ALLC: variants seen among roughly 807,000 people sequenced by gnomAD.
ALLC encodes the protein probable inactive allantoicase.
ALLC carries 40 observed loss-of-function variants against 45.0 expected under a neutral mutation model. The observed-to-expected ratio is 0.89, with a 90% CI of 0.69 to 1.16. ALLC has a LOEUF of 1.16. ALLC is among the 50% of genes most tolerant of loss of function. The pLI, the probability that ALLC is intolerant of heterozygous loss-of-function variation, is 0.00. For synonymous variants in ALLC, 176 were observed against 178.1 expected (o/e 0.99, Z 0.09); for missense variants, 488 against 493.1 (o/e 0.99, Z 0.10).
chr2:3,653,714 C>T (rs139631508), upstream of ALLC, among the ~76,000 whole-genome samples: 610 of 152,128 alleles, frequency 4.0e-3, 2 homozygotes, highest in African/African-American at 0.014. The surrounding 1 kb of genome is among the most constrained non-coding windows in gnomAD (Gnocchi z 4.1). Context: ...AAGCTCACCT[C>T]GTTTCCCTCA....
the ALLC span, among the ~76,000 whole-genome samples, chr2:3,651,190 C>T: frequency 1.3e-4 from 20 of 151,920 alleles, 1 homozygote; most frequent in Admixed American, 1.3e-3. Flanking sequence ...TCCATACTGC[C>T]ATCTAGTGGG....
rs151174190 is a variant in ALLC, at chr2:3,685,488, A to G, written c.511+2414A>G. ...CAGAGACAGACAGACAGAGAGAGAC[A>G]GAGAAAGGGGGAAGAGCCACTTTTA... is the stretch of plus-strand genomic sequence containing the variant. On this transcript the variant is annotated intron_variant, in intron 7 of 11. Transcript: ENST00000252505. Among the ~76,000 whole-genome samples, 7 of 150,874 alleles carry G rather than the reference A, an allele frequency of 4.6e-5. 1 individual carries two copies. The highest frequency in any genetic ancestry group is 1.7e-4 in the African/African-American group (7 of 41,438).
intron 7 of ALLC, among the ~76,000 whole-genome samples, chr2:3,686,858 T>C (rs1384960363): frequency 1.3e-5 from 2 of 151,110 alleles, no homozygotes; most frequent in Admixed American, 6.6e-5. Flanking sequence ...TAGGTTTTTC[T>C]AAGTATAAGA....
In ALLC at chr2:3,681,697, T is replaced by G. The variant is rs142054647; in HGVS notation, c.362T>G (p.Phe121Cys). Residue 121 changes from phenylalanine to cysteine, a missense_variant, in exon 6 of 12, where the codon TTT becomes TGT. Phe to Cys is a radical substitution (Grantham distance 205). Coordinates refer to ENST00000252505, the MANE Select transcript of ALLC (RefSeq NM_018436.4). ...RTGAAATPEE[F>C]EAIAELKSDD... ...GGAGCTGCAGCCACTCCTGAGGAGT[T>G]TGAAGCCATTGCTGAGGTACATCTC... The G allele has an allele frequency of 2.4e-5, 38 of 1,609,776 alleles. No homozygotes were observed. Among genetic ancestry groups the G allele is most frequent in the Non-Finnish European group, 2.9e-5 (34 of 1,177,892 alleles).
At chr2:3,672,046 T>C (rs1210404912) in intron 2 of ALLC, among the ~76,000 whole-genome samples, 1 of 91,112 alleles carries the variant, frequency 1.1e-5, no homozygotes. Context: ...TAGTTAGACC[T>C]GTGGTCCTCT....
chr2:3,693,101 C>T (rs1667565024), intron 7 of ALLC, among the ~76,000 whole-genome samples: 1 of 152,172 alleles, frequency 6.6e-6, no homozygotes, highest in Non-Finnish European at 1.5e-5. Flanking sequence ...CGCAGACTCT[C>T]ACTGTTCTTA....
At chr2:3,666,487 G>A (rs1666727772) in intron 1 of ALLC, among the ~76,000 whole-genome samples, 1 of 152,238 alleles carries the variant, frequency 6.6e-6, no homozygotes, top group South Asian at 2.1e-4. Context: ...CAGCCAGGCT[G>A]CTTAGTCTGT....
chr2:3,671,277 A>G (rs1666861569), intron 2 of ALLC, 87 bp downstream of exon 2: 3 of 1,455,520 alleles, frequency 2.1e-6, no homozygotes, highest in Admixed American at 2.0e-5. Context: ...TCATGCAAGA[A>G]TCAACAAGAA....
chr2:3,651,413 G>A, the ALLC span, among the ~76,000 whole-genome samples: 1 of 52,712 alleles, frequency 1.9e-5, no homozygotes, highest in Admixed American at 2.7e-4. Context: ...GTGTGTGTGT[G>A]TGTGTGTGTG....
At chr2:3,662,435 G>A (rs913393099) in intron 1 of ALLC, among the ~76,000 whole-genome samples, 1 of 152,182 alleles carries the variant, frequency 6.6e-6, no homozygotes, top group Non-Finnish European at 1.5e-5. Flanking sequence ...AAGTGTTTAC[G>A]CCAAGGCCCT....
intron 10 of ALLC, among the ~76,000 whole-genome samples, 161 bp downstream of exon 10, chr2:3,697,617 G>GTCTA (rs201656158): frequency 0.018 from 2,511 of 138,550 alleles, 26 homozygotes; most frequent in Admixed American, 0.025. Context: ...AACTCTGTCT[G>GTCTA]TCTGTCTATC....
upstream of ALLC, among the ~76,000 whole-genome samples, chr2:3,654,624 C>T (rs962037575): frequency 9.2e-5 from 14 of 152,232 alleles, no homozygotes; most frequent in South Asian, 6.2e-4. Flanking sequence ...GCACTTGTCA[C>T]GAGCCAGACA....
Position 3,687,132 on chromosome 2 carries a change from GT to G in ALLC, c.511+4065del, listed in dbSNP as rs376674473. On this transcript the variant is annotated intron_variant, in intron 7 of 11. Transcript: ENST00000252505. ...TTTTTCTATACCCAATTTATTGAGG[GT>G]TTTTTTCTTATCATGAAGTGACGTT... Among the ~76,000 whole-genome samples the G allele has an allele frequency of 1.9e-3, 289 of 150,578 alleles. 4 individuals carry two copies. The highest frequency in any genetic ancestry group is 6.6e-3 in the African/African-American group (275 of 41,370).
At chr2:3,682,209 G>T (rs1667198578) in intron 6 of ALLC, among the ~76,000 whole-genome samples, 1 of 152,114 alleles carries the variant, frequency 6.6e-6, no homozygotes. Flanking sequence ...CAGTAAACAG[G>T]GCCGTTAGTT....
In ALLC at chr2:3,695,783, A is replaced by G; in HGVS notation, c.578A>G (p.Lys193Arg). 6.2e-7 allele frequency: 1 copy of G among 1,614,050 alleles called. No homozygotes were observed. Among genetic ancestry groups the G allele is most frequent in the Non-Finnish European group, 8.5e-7 (1 of 1,179,892 alleles). The change falls in exon 8 of 12, where the codon AAA becomes AGA. Residue 193 changes from lysine (K) to arginine (R), a missense_variant. Physicochemically the swap from Lys to Arg is conservative, Grantham distance 26. Coordinates refer to ENST00000252505, the MANE Select transcript of ALLC (RefSeq NM_018436.4). ...AAAGACTGGACTGCAACTGACCCCA[A>G]AGAACCTGCAGACCTAGTGGCCATC... Reference protein sequence around the residue: ...GQKDWTATDPKEPADLVAIAF... With the variant: ...GQKDWTATDPREPADLVAIAF...
In ALLC at chr2:3,695,736, T is replaced by C; in HGVS notation, c.531T>C (p.Leu177=). 4.3e-6 allele frequency: 7 copies of C among 1,613,978 alleles called. No individual in the cohort carries two copies. The highest frequency in any genetic ancestry group is 5.1e-6 in the Non-Finnish European group (6 of 1,179,892). The change falls in exon 8 of 12, where the codon CTT becomes CTC. Residue 177 remains leucine (L), a synonymous_variant. Transcript: ENST00000252505. ...TTTCAGATGGTGGAATTGCACGACT[T>C]AGAGTATTCGGTACTGGACAAAAAG... ...NIFPDGGIAR[L]RVFGTGQKDW...
At chr2:3,646,028 C>T in the ALLC span, among the ~76,000 whole-genome samples, 5 of 152,172 alleles carry the variant, frequency 3.3e-5, no homozygotes, top group African/African-American at 4.8e-5. Flanking sequence ...TTCCCTGTCT[C>T]CCCACCGGAG....
At chr2:3,657,382 G>A (rs1280339747), upstream of ALLC, among the ~76,000 whole-genome samples, 1 of 152,228 alleles carries the variant, frequency 6.6e-6, no homozygotes, top group Non-Finnish European at 1.5e-5. Context: ...GAGCGTGTGG[G>A]TGATGGATCT....
intron 1 of ALLC, among the ~76,000 whole-genome samples, chr2:3,665,709 A>G (rs1351570382): frequency 6.6e-6 from 1 of 152,208 alleles, no homozygotes; most frequent in Admixed American, 6.5e-5. Flanking sequence ...TATCCAGTCT[A>G]TCATTGATGG....
Sources: allele counts gnomAD v4.1 joint callset (sites outside exome capture counted in the v4.1 genomes callset), GRCh38; gene constraint gnomAD v4.1.1; non-coding constraint Gnocchi (gnomAD v3.1); transcripts MANE v1.5; gene names NCBI Gene and HGNC (gene_info 2026-07-23, HGNC 2026-07-21).